APLP2: variants seen among roughly 807,000 people sequenced by gnomAD.
The protein encoded by APLP2 is CDEI box-binding protein.
APLP2 carries 53 observed loss-of-function variants against 89.9 expected under a neutral mutation model. The observed-to-expected ratio is 0.59, with a 90% confidence interval of 0.47 to 0.74. The LOEUF is 0.74. Among genes scored for constraint, APLP2 ranks in the 30% least tolerant of loss-of-function variants. The pLI is 0.00. For missense variants in APLP2, 973 were observed against 975.9 expected (o/e 1.00, Z 0.04); for synonymous variants, 372 against 348.6 (o/e 1.07, Z -0.75).
At chr11:130,077,465 C>G (rs1434692810) in intron 1 of APLP2, among the ~76,000 whole-genome samples, 2 of 152,062 alleles carry the variant, frequency 1.3e-5, no homozygotes, top group Non-Finnish European at 2.9e-5. Flanking sequence ...GGCTTTTTAC[C>G]CGGAGAGGTG....
At chr11:130,104,171 T>G (rs1285328705) in intron 1 of APLP2, among the ~76,000 whole-genome samples, 1 of 151,418 alleles carries the variant, frequency 6.6e-6, no homozygotes, top group Non-Finnish European at 1.5e-5. Context: ...GCCATAATCC[T>G]TAGATTACAA....
Position 130,098,145 on chromosome 11 carries a change from G to A in APLP2, c.106-11284G>A, listed in dbSNP as rs545287480. ...TATTTGGCCGGGCGCGGTGGCTCAC[G>A]CCTGTAATCCCAGCACTTTGGGAGG... On this transcript the variant is annotated intron_variant, in intron 1 of 16. Coordinates refer to ENST00000338167, the MANE Select transcript of APLP2 (RefSeq NM_001142276.2). Among the ~76,000 whole-genome samples the A allele has an allele frequency of 6.6e-5, 10 of 152,252 alleles. No individual in the cohort carries two copies. The East Asian group carries it at 1.5e-3, about 23-fold the overall frequency.
At position 130,121,739 on chromosome 11, in the gene APLP2, AGAAGAGGAAGAG is replaced by A; in HGVS notation, c.648_659del (p.Glu216_Glu219del). On this transcript the variant is annotated inframe_deletion, in exon 5 of 17. Coordinates refer to ENST00000338167, the MANE Select transcript of APLP2 (RefSeq NM_001142276.2). ...CAAAGATTATTGGATCTGTGTCAAA[AGAAGAGGAAGAG>A]GAAGATGAAGAGGAAGAGGAAGAGG... 2.5e-6 allele frequency: 4 copies of A among 1,613,216 alleles called. No individual in the cohort carries two copies. The highest frequency in any genetic ancestry group is 2.2e-5 in the South Asian group (2 of 91,072).
intron 11 of APLP2, among the ~76,000 whole-genome samples, chr11:130,130,529 TAGAC>T (rs1038191110): frequency 6.6e-6 from 1 of 152,248 alleles, no homozygotes; most frequent in Admixed American, 6.5e-5. Context: ...AGTTTTTGTT[TAGAC>T]AGACACTTTT....
intron 8 of APLP2, among the ~76,000 whole-genome samples, chr11:130,127,393 C>G (rs79970693): frequency 0.038 from 5,824 of 152,244 alleles, 370 homozygotes; most frequent in African/African-American, 0.13. Context: ...TAGGCCTAAG[C>G]TCCACCCCAA....
rs750929076 is a variant in APLP2, at chr11:130,141,888, G to T, written c.1999-31G>T. ...CTCACGGCTGCCAGATGGTCACTGGGACTTTTTTCCACGTCTGCTTTATTA... is the reference window on the plus strand; with the variant it reads ...CTCACGGCTGCCAGATGGTCACTGGTACTTTTTTCCACGTCTGCTTTATTA... On this transcript the variant is annotated intron_variant, in intron 15 of 16. Coordinates refer to ENST00000338167, the MANE Select transcript of APLP2 (RefSeq NM_001142276.2). This position sits in a 1 kb window ranked among gnomAD's most constrained non-coding sequence, Gnocchi z 4.2. 1.1e-5 allele frequency: 17 copies of T among 1,579,762 alleles called. No individual in the cohort carries two copies. The Admixed American group carries it at 2.6e-4, about 24-fold the overall frequency.
At chr11:130,113,145 G>A (rs971432429) in intron 3 of APLP2, among the ~76,000 whole-genome samples, 2 of 152,130 alleles carry the variant, frequency 1.3e-5, no homozygotes. Context: ...TGCCAGCAGC[G>A]ACCCTGTTTT....
At chr11:130,105,561 T>A (rs2509706) in intron 1 of APLP2, among the ~76,000 whole-genome samples, 10 of 151,420 alleles carry the variant, frequency 6.6e-5, no homozygotes, top group Admixed American at 6.5e-4. Flanking sequence ...AGAACTGTTA[T>A]TTGTTTATTT....
intron 3 of APLP2, among the ~76,000 whole-genome samples, chr11:130,118,739 C>T (rs1306051879): frequency 1.3e-5 from 2 of 152,184 alleles, no homozygotes; most frequent in East Asian, 1.9e-4. Flanking sequence ...TTTTAAGTCT[C>T]GTTGATTGCT....
chr11:130,108,036 C>A (rs1423444521), intron 1 of APLP2, among the ~76,000 whole-genome samples: 1 of 152,176 alleles, frequency 6.6e-6, no homozygotes, highest in African/African-American at 2.4e-5. Flanking sequence ...AACTGGATTC[C>A]TTCCTTACAC....
intron 3 of APLP2, among the ~76,000 whole-genome samples, chr11:130,116,548 C>T (rs559980445): frequency 9.2e-5 from 14 of 152,088 alleles, no homozygotes; most frequent in East Asian, 1.9e-4. Context: ...TGCAGTGGCG[C>T]GATCTTGGCT....
At chr11:130,139,638 A>G (rs1209783539) in intron 13 of APLP2, 1 of 152,216 alleles carries the variant, frequency 6.6e-6, no homozygotes, top group Non-Finnish European at 1.5e-5. Flanking sequence ...GATGTTGCTC[A>G]GGCAGTGTCT....
At chr11:130,095,608 C>T (rs1946090140) in intron 1 of APLP2, among the ~76,000 whole-genome samples, 1 of 152,216 alleles carries the variant, frequency 6.6e-6, no homozygotes, top group Non-Finnish European at 1.5e-5. Flanking sequence ...GGAAGCTGTC[C>T]TTCTCGTGTG....
intron 3 of APLP2, among the ~76,000 whole-genome samples, chr11:130,114,815 C>A (rs1285449873): frequency 6.6e-6 from 1 of 152,120 alleles, no homozygotes; most frequent in East Asian, 1.9e-4. Context: ...TACTAAAGTT[C>A]TGATTTAATA....
intron 1 of APLP2, among the ~76,000 whole-genome samples, chr11:130,075,960 C>T (rs372395753): frequency 5.5e-4 from 83 of 152,280 alleles, no homozygotes; most frequent in African/African-American, 1.9e-3. Flanking sequence ...TTAATAGTGA[C>T]CCTTTGAAGT....
intron 1 of APLP2, among the ~76,000 whole-genome samples, chr11:130,086,459 T>C (rs1944136944): frequency 6.6e-6 from 1 of 152,280 alleles, no homozygotes; most frequent in Admixed American, 6.5e-5. Context: ...TTTTCTGTCA[T>C]TCTGCAGTTT....
At position 130,137,258 on chromosome 11, in the gene APLP2, A is replaced by G. The variant is rs145470024; in HGVS notation, c.1837+1543A>G. On this transcript the variant is annotated intron_variant, in intron 13 of 16. Coordinates refer to ENST00000338167, the MANE Select transcript of APLP2 (RefSeq NM_001142276.2). Reference sequence around the variant, plus strand: ...TTTATTGTTTTCCTTTCTGCTAGACACTCAGCCGGAGTTGTACCACCCAAT... The same window carrying G: ...TTTATTGTTTTCCTTTCTGCTAGACGCTCAGCCGGAGTTGTACCACCCAAT... The G allele has an allele frequency of 6.8e-5, 110 of 1,614,040 alleles. No individual in the cohort carries two copies. The African/African-American group carries it at 1.2e-3, about 18-fold the overall frequency.
chr11:130,136,753 G>T (rs1951663545), intron 13 of APLP2, among the ~76,000 whole-genome samples: 1 of 152,176 alleles, frequency 6.6e-6, no homozygotes, highest in African/African-American at 2.4e-5. Context: ...CATGCCACCC[G>T]CAAATCTCCG....
At position 130,093,534 on chromosome 11, in the gene APLP2, A is replaced by G. The variant is rs145674698; in HGVS notation, c.106-15895A>G. Among the ~76,000 whole-genome samples the G allele has an allele frequency of 7.9e-3, 1,200 of 152,314 alleles. 14 individuals are homozygous for G. Among genetic ancestry groups the G allele is most frequent in the African/African-American group, 0.028 (1,160 of 41,560 alleles). On this transcript the variant is annotated intron_variant, in intron 1 of 16. Transcript: ENST00000338167. ...AAGGAGAAAACAAAAAGAAACTAGA[A>G]AAGATAAGTAGAAGGTCAATCTAGG...
Sources: gnomAD v4.1 joint callset for allele counts (sites outside exome capture counted in the v4.1 genomes callset) on GRCh38, gnomAD v4.1.1 for gene constraint, Gnocchi (gnomAD v3.1) non-coding constraint, MANE v1.5 for transcripts, NCBI Gene and HGNC (gene_info 2026-07-23, HGNC 2026-07-21) for gene names.